The following COL24A1 variants were observed in gnomAD, a reference collection of about 807,000 sequenced individuals.
COL24A1 encodes collagen type XXIV alpha 1 chain.
COL24A1 carries 224 observed loss-of-function variants against 253.9 expected under a neutral mutation model. That is an observed-to-expected ratio of 0.88 (90% CI 0.79 to 0.99). The LOEUF is 0.99. COL24A1 is among the 50% of genes least tolerant of loss of function. The probability of loss-of-function intolerance (pLI) is 0.00; values close to 1 mark genes in which losing one functional copy is unlikely to be tolerated. For missense variants in COL24A1, 2,131 were observed against 2,068.5 expected, an observed-to-expected ratio of 1.03 and a Z score of -0.59; for synonymous variants, 685 against 673.7, an observed-to-expected ratio of 1.02 and a Z score of -0.26.
At chr1:85,886,672 A>G (rs998478936) in intron 32 of COL24A1, among the ~76,000 whole-genome samples, 2 of 149,378 alleles carry the variant, frequency 1.3e-5, no homozygotes, top group Non-Finnish European at 3.0e-5. Flanking sequence ...CTTAAAAAAG[A>G]AAAAAAAAAT....
chr1:85,771,772 T>G (rs985183328), intron 53 of COL24A1, among the ~76,000 whole-genome samples: 25 of 135,424 alleles, frequency 1.8e-4, no homozygotes, highest in African/African-American at 6.3e-4. Flanking sequence ...TGTTGTTGCC[T>G]GACTTTTTTA....
intron 3 of COL24A1, among the ~76,000 whole-genome samples, chr1:86,123,449 C>T (rs1272360859): frequency 1.3e-5 from 2 of 151,996 alleles, no homozygotes; most frequent in East Asian, 3.9e-4. Context: ...AAATGTACTT[C>T]CTTTATCTTC....
intron 47 of COL24A1, among the ~76,000 whole-genome samples, chr1:85,814,460 T>C (rs1050264158): frequency 2.6e-5 from 4 of 152,192 alleles, no homozygotes; most frequent in African/African-American, 7.2e-5. Context: ...TGAAGAAAAA[T>C]GTAGAGTTGT....
intron 57 of COL24A1, 35 bp from the exon 58 acceptor site, chr1:85,737,540 A>T: frequency 7.5e-7 from 1 of 1,340,634 alleles, no homozygotes; most frequent in Non-Finnish European, 1.0e-6. Flanking sequence ...AGTTAAAGTT[A>T]TTAAATGCCA....
chr1:86,153,754 G>A (rs1165018707), intron 1 of COL24A1, among the ~76,000 whole-genome samples: 1 of 152,086 alleles, frequency 6.6e-6, no homozygotes, highest in Non-Finnish European at 1.5e-5. Flanking sequence ...GTGCCATCTA[G>A]GAAATAGATC....
At chr1:85,878,898 G>T (rs1388919223) in intron 32 of COL24A1, among the ~76,000 whole-genome samples, 1 of 152,072 alleles carries the variant, frequency 6.6e-6, no homozygotes, top group South Asian at 2.1e-4. Flanking sequence ...TGTGGTGTCT[G>T]TTCAGATTTT....
chr1:85,988,172 A>T lies in COL24A1; in HGVS notation c.2311-518T>A, dbSNP rs1461908309. Among the ~76,000 whole-genome samples the T allele has an allele frequency of 3.3e-5, 5 of 151,886 alleles. No individual in the cohort carries two copies. In the East Asian group the frequency reaches 5.8e-4, roughly 18 times the overall value. On this transcript the variant is annotated intron_variant, in intron 19 of 59. Transcript: ENST00000370571. ...AATCAGTTTTGTATCTAACCCAACT[A>T]TCTTATTCTAACATCCCCATATTTA...
At chr1:86,065,620 T>A (rs1397951196) in intron 7 of COL24A1, among the ~76,000 whole-genome samples, 5 of 151,936 alleles carry the variant, frequency 3.3e-5, no homozygotes, top group Non-Finnish European at 5.9e-5. Flanking sequence ...TGACTTGGAA[T>A]AAAGAGTTTT....
At chr1:86,069,802 T>A (rs909456653) in intron 7 of COL24A1, among the ~76,000 whole-genome samples, 1 of 152,218 alleles carries the variant, frequency 6.6e-6, no homozygotes, top group African/African-American at 2.4e-5. Flanking sequence ...CACAGCGATA[T>A]TGGGCTTGGG....
chr1:86,146,298 G>T, intron 1 of COL24A1, 115 bp from the exon 2 acceptor site: 3 of 797,250 alleles, frequency 3.8e-6, no homozygotes, highest in Non-Finnish European at 6.0e-6. Context: ...TAAATAGCAT[G>T]ATATTTTAAT....
At chr1:85,881,194 T>A (rs1405698376) in intron 32 of COL24A1, among the ~76,000 whole-genome samples, 1 of 152,218 alleles carries the variant, frequency 6.6e-6, no homozygotes, top group Non-Finnish European at 1.5e-5. Context: ...AGGTTATTAG[T>A]GATTGATTCT....
intron 20 of COL24A1, among the ~76,000 whole-genome samples, chr1:85,972,482 C>T (rs534599295): frequency 1.3e-5 from 2 of 152,194 alleles, no homozygotes; most frequent in South Asian, 4.2e-4. Context: ...AGACAATAAC[C>T]TAACTTTTTA....
chr1:85,877,633 G>A (rs1044041615), intron 32 of COL24A1, among the ~76,000 whole-genome samples: 1 of 152,166 alleles, frequency 6.6e-6, no homozygotes, highest in Non-Finnish European at 1.5e-5. Context: ...AAAGTGCCGG[G>A]ATTACAGGCA....
At chr1:86,138,270 A>G (rs1650550872) in intron 2 of COL24A1, among the ~76,000 whole-genome samples, 1 of 152,130 alleles carries the variant, frequency 6.6e-6, no homozygotes, top group African/African-American at 2.4e-5. Flanking sequence ...GAATTTTGGT[A>G]AGTTCTGTGA....
Position 85,876,300 on chromosome 1 carries a change from G to A in COL24A1, c.3030+822C>T, listed in dbSNP as rs184304268. Among the ~76,000 whole-genome samples the A allele has an allele frequency of 1.2e-3, 187 of 151,454 alleles. 2 individuals carry two copies. The highest frequency in any genetic ancestry group is 4.2e-3 in the African/African-American group (173 of 41,012). ...AAGGAAATGGTCACTGATTTGAGAG[G>A]ATTAGGTAGAAGAAGGAGTCTAGGA... On this transcript the variant is annotated intron_variant, in intron 33 of 59. Transcript: ENST00000370571.
At chr1:85,881,816 TTGTTTTCC>T (rs1284906402) in intron 32 of COL24A1, among the ~76,000 whole-genome samples, 4 of 152,140 alleles carry the variant, frequency 2.6e-5, no homozygotes, top group African/African-American at 9.7e-5. Flanking sequence ...ATGTTCTCTA[TTGTTTTCC>T]TGTTTTCAAT....
In COL24A1 at chr1:86,125,424, TC is replaced by T; in HGVS notation, c.911del (p.Arg304AsnfsTer34). On this transcript the variant is annotated frameshift_variant, in exon 3 of 60. Transcript: ENST00000370571. LOFTEE classifies it high-confidence loss of function. ...IKNDSETVYK[R>X]QEHQISRSQL... is the part of the protein sequence containing the mutation. ...GAGATCTTGATATCTGGTGTTCTTG[TC>T]TTTTATACACGGTTTCAGAATCATT... 6.2e-7 allele frequency: 1 copy of T among 1,613,632 alleles called. No homozygotes were observed.
intron 57 of COL24A1, among the ~76,000 whole-genome samples, chr1:85,739,353 C>A (rs1455365940): frequency 6.6e-6 from 1 of 152,074 alleles, no homozygotes; most frequent in Non-Finnish European, 1.5e-5. Context: ...GGTAGGGGCT[C>A]CATAATTTCT....
intron 5 of COL24A1, among the ~76,000 whole-genome samples, chr1:86,108,908 G>A (rs1705277448): frequency 6.6e-6 from 1 of 152,168 alleles, no homozygotes; most frequent in African/African-American, 2.4e-5. Context: ...ACTGGCTGAA[G>A]TATTAGGCTG....
Sources: allele counts gnomAD v4.1 joint callset (sites outside exome capture counted in the v4.1 genomes callset), GRCh38; gene constraint gnomAD v4.1.1; transcripts MANE v1.5; gene names NCBI Gene and HGNC (gene_info 2026-07-23, HGNC 2026-07-21).